The following MYO1H variants were observed in gnomAD, a reference collection of about 807,000 sequenced individuals.
MYO1H encodes unconventional myosin-Ih.
Under a neutral mutation model 149.3 loss-of-function variants are expected in MYO1H, and 118 were observed. The ratio of observed to expected loss-of-function variants is 0.79; its 90% CI spans 0.68 to 0.92. The LOEUF (loss-of-function observed/expected upper bound fraction) is 0.92, where lower values mean the gene tolerates loss of function less well. MYO1H is among the 40% of genes least tolerant of loss of function. The pLI, the probability that MYO1H is intolerant of heterozygous loss-of-function variation, is 0.00. For synonymous variants in MYO1H, 447 were observed against 465.2 expected (o/e 0.96, Z 0.50); for missense variants, 1,212 against 1,280.7 (o/e 0.95, Z 0.82).
At chr12:109,436,591 C>T (rs746190393) in intron 22 of MYO1H, 35 bp downstream of exon 22, 6 of 1,469,010 alleles carry the variant, frequency 4.1e-6, no homozygotes, top group East Asian at 4.8e-5. Flanking sequence ...AGTTTGCTCC[C>T]TTTCTCATCT....
rs776172343 is a variant in MYO1H at position 109,426,051 on chromosome 12, AG to A, written c.1831+1del. 3.6e-5 allele frequency: 58 copies of A among 1,610,098 alleles called. No homozygotes were observed. The highest frequency in any genetic ancestry group is 4.9e-5 in the Non-Finnish European group (58 of 1,176,600). The stretch of plus-strand genomic sequence containing the variant: ...CAAGCCCAACGACAGGAAAGAACCC[AG>A]TGAGTTGTGGATCATTATGAACTGG... On this transcript the variant is annotated splice_donor_variant, in intron 18 of 31. Transcript: ENST00000310903. LOFTEE classifies it high-confidence loss of function.
chr12:109,371,440 A>C (rs1592782244), intron 1 of MYO1H, among the ~76,000 whole-genome samples: 1 of 150,832 alleles, frequency 6.6e-6, no homozygotes, highest in African/African-American at 2.4e-5. Flanking sequence ...CTGGTCTCAA[A>C]CTCCTGAGCT....
chr12:109,385,473 A>C (rs1869285879), intron 1 of MYO1H, among the ~76,000 whole-genome samples: 2 of 151,992 alleles, frequency 1.3e-5, no homozygotes, highest in Admixed American at 6.6e-5. Flanking sequence ...TCATATTTTT[A>C]GTAGAGACAG....
chr12:109,401,298 G>A (rs768160894), intron 6 of MYO1H, 26 bp downstream of exon 6: 53 of 1,590,068 alleles, frequency 3.3e-5, no homozygotes, highest in Non-Finnish European at 4.1e-5. Context: ...ACCTGGCTTT[G>A]GTGACTCTTT....
At chr12:109,325,797 C>T in the MYO1H span, among the ~76,000 whole-genome samples, 85 of 152,074 alleles carry the variant, frequency 5.6e-4, no homozygotes, top group Admixed American at 6.6e-5. Flanking sequence ...GACATTTATG[C>T]GGCCAAGAAA....
intron 1 of MYO1H, among the ~76,000 whole-genome samples, chr12:109,360,148 G>T (rs1868712885): frequency 6.6e-6 from 1 of 151,396 alleles, no homozygotes; most frequent in Admixed American, 6.6e-5. Context: ...GATGTATGTG[G>T]ATAAATATGA....
intron 25 of MYO1H, 118 bp downstream of exon 25, chr12:109,440,945 C>G (rs928586863): frequency 5.4e-6 from 4 of 736,860 alleles, no homozygotes. Context: ...TAGTCCCATG[C>G]TTTGAAATGT....
At chr12:109,340,155 A>G in the MYO1H span, among the ~76,000 whole-genome samples, 2 of 152,266 alleles carry the variant, frequency 1.3e-5, no homozygotes, top group Middle Eastern at 3.4e-3. Context: ...CTACAGTATC[A>G]CACACCTGTA....
chr12:109,351,220 T>C (rs1396837633), intron 1 of MYO1H, among the ~76,000 whole-genome samples: 2 of 152,228 alleles, frequency 1.3e-5, no homozygotes, highest in Admixed American at 6.5e-5. Context: ...GATCTTACTA[T>C]CACTGATTTT....
intron 20 of MYO1H, 145 bp from the exon 21 acceptor site, chr12:109,434,892 C>G (rs531707869): frequency 1.7e-6 from 1 of 587,574 alleles, no homozygotes; most frequent in Non-Finnish European, 3.0e-6. Flanking sequence ...CTATCCTTAC[C>G]TCAATCACAT....
At chr12:109,360,609 T>C (rs551544399) in intron 1 of MYO1H, among the ~76,000 whole-genome samples, 1 of 152,328 alleles carries the variant, frequency 6.6e-6, no homozygotes, top group East Asian at 1.9e-4. Flanking sequence ...TAGGTGTGTT[T>C]GTTCCATGGA....
intron 16 of MYO1H, 119 bp downstream of exon 16, chr12:109,421,146 C>G (rs1238702180): frequency 1.6e-6 from 1 of 643,650 alleles, no homozygotes; most frequent in Non-Finnish European, 2.7e-6. Flanking sequence ...TATTAGAACT[C>G]CAGCATGTCA....
the MYO1H span, among the ~76,000 whole-genome samples, chr12:109,321,064 G>A: frequency 1.0e-3 from 157 of 152,046 alleles, 2 homozygotes; most frequent in Non-Finnish European, 7.9e-4. Context: ...CTCCAGCCTG[G>A]GCGACAGAGC....
chr12:109,349,619 C>T (rs889434599), intron 1 of MYO1H, among the ~76,000 whole-genome samples: 1 of 148,592 alleles, frequency 6.7e-6, no homozygotes, highest in Non-Finnish European at 1.5e-5. Context: ...TGTGATCATG[C>T]CATGCACTCA....
In MYO1H at chr12:109,396,380, C is replaced by T. The variant is rs770744720; in HGVS notation, c.291-4C>T. Reference sequence around the variant, plus strand: ...AATTTGTTTCCGTCTCACTCCTCCTCCAGCTACGCTATAGCCGACAACGCT... The same window carrying T: ...AATTTGTTTCCGTCTCACTCCTCCTTCAGCTACGCTATAGCCGACAACGCT... On this transcript the variant is annotated splice_region_variant and splice_polypyrimidine_tract_variant and intron_variant, in intron 3 of 31. Coordinates refer to ENST00000310903, the Ensembl canonical transcript of MYO1H. 1.6e-5 allele frequency: 25 copies of T among 1,597,510 alleles called. No homozygotes were observed. Among genetic ancestry groups the T allele is most frequent in the Middle Eastern group, 1.7e-4 (1 of 5,984 alleles).
At chr12:109,442,346 T>TGGAG in intron 27 of MYO1H, 74 bp downstream of exon 27, 6 of 1,317,604 alleles carry the variant, frequency 4.6e-6, no homozygotes, top group South Asian at 1.2e-5. Context: ...CCTTTCTCCA[T>TGGAG]AAAGGGCGCA....
chr12:109,349,978 A>G (rs1566016240), intron 1 of MYO1H, among the ~76,000 whole-genome samples: 1 of 139,144 alleles, frequency 7.2e-6, no homozygotes, highest in Non-Finnish European at 1.5e-5. Flanking sequence ...AAAAAAAGTT[A>G]ATATTATTAT....
At chr12:109,442,746 CACGCAGCAGCAGGTGAAGCCCTGGT>C (rs1872195332) in intron 27 of MYO1H, among the ~76,000 whole-genome samples, 1 of 149,418 alleles carries the variant, frequency 6.7e-6, no homozygotes, top group Non-Finnish European at 1.5e-5. Flanking sequence ...TGCTGCCTGG[CACGCAGCAGCAGGTGAAGCCCTGGT>C]GATCGTGTGT....
At chr12:109,342,648 TC>T in the MYO1H span, among the ~76,000 whole-genome samples, 4 of 150,682 alleles carry the variant, frequency 2.7e-5, no homozygotes, top group Non-Finnish European at 4.4e-5. Flanking sequence ...GTTCAAGTGA[TC>T]CTCCCACCTC....
Sources: gnomAD v4.1 joint callset for allele counts (sites outside exome capture counted in the v4.1 genomes callset) on GRCh38, gnomAD v4.1.1 for gene constraint, MANE v1.5 for transcripts, NCBI Gene and HGNC (gene_info 2026-07-23, HGNC 2026-07-21) for gene names.